TP53BP1: variants seen among roughly 807,000 people sequenced by gnomAD.
TP53BP1 encodes tumor protein p53 binding protein 1, also known as TP53-binding protein 1.
Under a neutral mutation model 200.8 loss-of-function variants are expected in TP53BP1, and 61 were observed. The observed-to-expected ratio is 0.30, with a 90% confidence interval of 0.25 to 0.38. The LOEUF is 0.38. Ranked by LOEUF, TP53BP1 falls within the 10% of genes least tolerant of loss-of-function variation. TP53BP1 has a pLI of 1.00. For synonymous variants in TP53BP1, 822 were observed against 844.3 expected, an observed-to-expected ratio of 0.97 and a Z score of 0.46; for missense variants, 2,144 against 2,371.9, an observed-to-expected ratio of 0.90 and a Z score of 2.00.
intron 14 of TP53BP1, among the ~76,000 whole-genome samples, chr15:43,444,822 T>C (rs766520760): frequency 6.6e-6 from 1 of 152,160 alleles, no homozygotes; most frequent in South Asian, 2.1e-4. Context: ...TCCCAACTTC[T>C]TCAGGGCCTT....
intron 12 of TP53BP1, among the ~76,000 whole-genome samples, chr15:43,451,203 C>CT (rs1310687029): frequency 2.7e-5 from 4 of 150,912 alleles, no homozygotes; most frequent in Admixed American, 6.6e-5. Flanking sequence ...AATTATTATA[C>CT]TTTAAGTTTT....
At chr15:43,462,299 TTC>T (rs1216782730) in intron 11 of TP53BP1, among the ~76,000 whole-genome samples, 1 of 149,936 alleles carries the variant, frequency 6.7e-6, no homozygotes, top group Non-Finnish European at 1.5e-5. Flanking sequence ...TGATCTTATC[TTC>T]TCTTTTTTCT....
upstream of TP53BP1, among the ~76,000 whole-genome samples, chr15:43,493,782 G>C (rs564599467): frequency 6.6e-6 from 1 of 152,272 alleles, no homozygotes; most frequent in African/African-American, 2.4e-5. Context: ...TTTCCGCCTA[G>C]GACGTATTTC....
chr15:43,465,433 A>C (rs186313808), intron 11 of TP53BP1, among the ~76,000 whole-genome samples: 10 of 152,220 alleles, frequency 6.6e-5, no homozygotes, highest in Admixed American at 6.5e-4. Context: ...GATTGAAGAA[A>C]TCACCCAGCA....
Position 43,447,240 on chromosome 15 carries a change from A to G in TP53BP1, c.2836+126T>C. Reference sequence around the variant, plus strand: ...TCACAGAACCAGACTTCATAACCCTATTTTCCCTAAAACAAAAATCAACCT... The same window carrying G: ...TCACAGAACCAGACTTCATAACCCTGTTTTCCCTAAAACAAAAATCAACCT... On this transcript the variant is annotated intron_variant, in intron 13 of 27. Transcript: ENST00000382044. 1.0e-5 allele frequency: 10 copies of G among 984,350 alleles called. No homozygotes were observed. In the South Asian group the frequency reaches 1.2e-4, roughly 12 times the overall value. The allele number at this position is 984,350 out of a possible 1,614,324, so 61.0% of individuals were successfully genotyped here.
rs185634875 is a variant in TP53BP1, at chr15:43,434,655, C to T, written c.3192-1978G>A. Among the ~76,000 whole-genome samples, 4 of 152,308 alleles carry T rather than the reference C, an allele frequency of 2.6e-5. No individual in the cohort carries two copies. The East Asian group carries it at 7.7e-4, about 29-fold the overall frequency. ...CATGTGAGAACAGCTGTCTACAAAC[C>T]AGGAAGCAGGCCCTCACCAGACACC... On this transcript the variant is annotated intron_variant, in intron 16 of 27. Transcript: ENST00000382044.
chr15:43,463,768 C>T (rs941368598), intron 11 of TP53BP1, among the ~76,000 whole-genome samples: 1 of 152,262 alleles, frequency 6.6e-6, no homozygotes, highest in African/African-American at 2.4e-5. Context: ...TCACCCTGCC[C>T]CTCCTCTGCC....
chr15:43,405,509 G>A lies in TP53BP1; in HGVS notation c.*1874C>T, dbSNP rs912706254. ...TAGTCATTTATTGAGCACCTACTAC[G>A]TACCTTGGTACTGTTCAAGCTGTGG... On this transcript the variant is annotated 3_prime_UTR_variant, in exon 28 of 28. Transcript: ENST00000382044. 27 of 437,050 alleles carry A rather than the reference G, an allele frequency of 6.2e-5. No homozygotes were observed. Among genetic ancestry groups the A allele is most frequent in the African/African-American group, 4.2e-4 (21 of 50,244 alleles). The allele number at this position is 437,050 out of a possible 1,614,324, so 27.1% of individuals were successfully genotyped here. A position where few individuals can be genotyped will look rare whatever the true frequency, so the allele number is the denominator to read the frequency against.
chr15:43,461,514 G>A (rs991436616), intron 11 of TP53BP1, among the ~76,000 whole-genome samples: 12 of 151,940 alleles, frequency 7.9e-5, no homozygotes, highest in African/African-American at 2.7e-4. Flanking sequence ...TACCTCGTCC[G>A]GCCAAGATAA....
At position 43,411,011 on chromosome 15, in the gene TP53BP1, A is replaced by G. The variant is rs2142953406; in HGVS notation, c.5306-1270T>C. On this transcript the variant is annotated intron_variant, in intron 24 of 27. Coordinates refer to ENST00000382044, the MANE Select transcript of TP53BP1 (RefSeq NM_001141980.3). The stretch of plus-strand genomic sequence containing the variant: ...TAGCACCCTTTTGCTATCTCAATAT[A>G]GCATGTCACAATCTTCAGCACCAAG... 3.9e-5 allele frequency among the ~76,000 whole-genome samples: 6 copies of G among 152,336 alleles called. No individual in the cohort carries two copies. The South Asian group carries it at 1.2e-3, about 32-fold the overall frequency.
At chr15:43,416,481 G>A (rs2045268442) in intron 21 of TP53BP1, 65 bp from the exon 22 acceptor site, 2 of 1,510,504 alleles carry the variant, frequency 1.3e-6, no homozygotes, top group Non-Finnish European at 1.8e-6. Flanking sequence ...CCTCTCACAA[G>A]GGCTCTGTAA....
chr15:43,408,786 C>G (rs1275970061), intron 26 of TP53BP1, 111 bp downstream of exon 26: 6 of 1,087,260 alleles, frequency 5.5e-6, no homozygotes, highest in Non-Finnish European at 6.7e-6. Context: ...CAAATTTATC[C>G]CACAGACATT....
intron 1 of TP53BP1, among the ~76,000 whole-genome samples, 172 bp downstream of exon 1, chr15:43,492,865 C>T (rs1297654990): frequency 6.6e-6 from 1 of 151,452 alleles, no homozygotes; most frequent in Non-Finnish European, 1.5e-5. Flanking sequence ...TTCCTCACGA[C>T]CACCAAGCCT....
rs2079021309 is a variant in TP53BP1 at position 43,484,727 on chromosome 15, A to T, written c.372-3705T>A. 1.3e-5 allele frequency among the ~76,000 whole-genome samples: 2 copies of T among 151,472 alleles called. 1 individual carries two copies. Among genetic ancestry groups the T allele is most frequent in the South Asian group, 4.2e-4 (2 of 4,810 alleles). On this transcript the variant is annotated intron_variant, in intron 4 of 27. Coordinates refer to ENST00000382044, the MANE Select transcript of TP53BP1 (RefSeq NM_001141980.3). The stretch of plus-strand genomic sequence containing the variant: ...TGCATGGATTACACTTATCCCAGAT[A>T]ACAGCAAATACACACTTACTTGTTT...
At position 43,466,185 on chromosome 15, in the gene TP53BP1, G is replaced by C. The variant is rs2046576390; in HGVS notation, c.1389+3673C>G. ...GGTATCCAACACAGACAGGTAAGGA[G>C]AATCTCCACGGATGACAGTGAACGG... is the stretch of plus-strand genomic sequence containing the variant. On this transcript the variant is annotated intron_variant, in intron 11 of 27. Coordinates refer to ENST00000382044, the MANE Select transcript of TP53BP1 (RefSeq NM_001141980.3). Among the ~76,000 whole-genome samples the C allele has an allele frequency of 2.0e-5, 3 of 152,286 alleles. No individual in the cohort carries two copies. The South Asian group carries it at 6.2e-4, about 32-fold the overall frequency.
At chr15:43,437,252 GA>G (rs2045820413) in intron 16 of TP53BP1, among the ~76,000 whole-genome samples, 1 of 152,114 alleles carries the variant, frequency 6.6e-6, no homozygotes, top group African/African-American at 2.4e-5. Flanking sequence ...TGCTCTGTGG[GA>G]AACTAAGGAG....
chr15:43,479,625 G>C, intron 6 of TP53BP1, 99 bp from the exon 7 acceptor site: 1 of 1,364,916 alleles, frequency 7.3e-7, no homozygotes, highest in Non-Finnish European at 1.0e-6. Context: ...TTTAACAGAA[G>C]TCCAATTTAA....
At chr15:43,447,596 CT>C in intron 12 of TP53BP1, 111 bp from the exon 13 acceptor site, 1 of 1,089,214 alleles carries the variant, frequency 9.2e-7, no homozygotes, top group Non-Finnish European at 1.2e-6. Flanking sequence ...TTCAATCACT[CT>C]TTTCCTTTGC....
intron 1 of TP53BP1, among the ~76,000 whole-genome samples, chr15:43,507,469 G>A (rs1033844678): frequency 6.6e-6 from 1 of 152,158 alleles, no homozygotes; most frequent in Admixed American, 6.5e-5. Context: ...CAAGAACCTG[G>A]ACAACTCGTA....
Sources: gnomAD v4.1 joint callset for allele counts (sites outside exome capture counted in the v4.1 genomes callset) on GRCh38, gnomAD v4.1.1 for gene constraint, MANE v1.5 for transcripts, NCBI Gene and HGNC (gene_info 2026-07-23, HGNC 2026-07-21) for gene names.